MAPK8IP3: variants seen among roughly 807,000 people sequenced by gnomAD.
The protein encoded by MAPK8IP3 is C-Jun-amino-terminal kinase-interacting protein 3.
In MAPK8IP3, 49 loss-of-function variants were observed where a neutral mutation model predicts 157.8. That is an observed-to-expected ratio of 0.31 (90% CI 0.25 to 0.39). The LOEUF is 0.39. MAPK8IP3 is among the 10% of genes least tolerant of loss of function. The probability of loss-of-function intolerance (pLI) is 1.00; values close to 1 mark genes in which losing one functional copy is unlikely to be tolerated. For synonymous variants in MAPK8IP3, 897 were observed against 777.7 expected (o/e 1.15, Z -2.55); for missense variants, 1,478 against 1,889.4 (o/e 0.78, Z 4.04).
In MAPK8IP3 at chr16:1,721,343, G is replaced by C. The variant is rs2038508797; in HGVS notation, c.319-3214G>C. On this transcript the variant is annotated intron_variant, in intron 1 of 31. Coordinates refer to ENST00000610761, the MANE Select transcript of MAPK8IP3 (RefSeq NM_001318852.2). ...AAAAAAAAATCCTTTGCTCATGCCTGTAATCCCAGCACTTTGGAAGGCCAA... is the reference window on the plus strand; with the variant it reads ...AAAAAAAAATCCTTTGCTCATGCCTCTAATCCCAGCACTTTGGAAGGCCAA... Among the ~76,000 whole-genome samples the C allele has an allele frequency of 2.0e-5, 3 of 151,720 alleles. No homozygotes were observed. In the South Asian group the frequency reaches 6.2e-4, roughly 31 times the overall value.
At chr16:1,716,842 A>G (rs2142297601) in intron 1 of MAPK8IP3, among the ~76,000 whole-genome samples, 1 of 151,976 alleles carries the variant, frequency 6.6e-6, no homozygotes, top group Admixed American at 6.5e-5. Context: ...GCGGATCACG[A>G]GGTCAAGGAG....
intron 8 of MAPK8IP3, among the ~76,000 whole-genome samples, chr16:1,749,444 GC>G (rs2041166436): frequency 6.6e-6 from 1 of 151,720 alleles, no homozygotes; most frequent in Non-Finnish European, 1.5e-5. Context: ...TTGGGAGGGT[GC>G]CCACTTGCCC....
chr16:1,734,741 GAC>G (rs1226029753), intron 4 of MAPK8IP3, among the ~76,000 whole-genome samples: 7 of 152,370 alleles, frequency 4.6e-5, no homozygotes, highest in Non-Finnish European at 1.0e-4. Context: ...TCCCTTGGGG[GAC>G]ACATATTTGA....
chr16:1,737,398 ATC>A (rs1388839238), intron 4 of MAPK8IP3, among the ~76,000 whole-genome samples: 5 of 78,578 alleles, frequency 6.4e-5, no homozygotes, highest in Admixed American at 3.0e-4. Context: ...CCATGTGAGC[ATC>A]TGTGTGACCG....
chr16:1,762,670 T>C lies in MAPK8IP3; in HGVS notation c.1671-5T>C. On this transcript the variant is annotated splice_polypyrimidine_tract_variant and splice_region_variant and intron_variant, in intron 14 of 31. Transcript: ENST00000610761. ...GCAGGTTGCTCCCTGTGCCCTCCCC[T>C]GCAGAGCGTCCCGAGAGCACCCATC... 1 of 1,550,498 alleles carries C rather than the reference T, an allele frequency of 6.4e-7. No individual in the cohort carries two copies. Among genetic ancestry groups the C allele is most frequent in the Non-Finnish European group, 8.7e-7 (1 of 1,146,458 alleles).
chr16:1,723,903 A>G (rs2038699030), intron 1 of MAPK8IP3, among the ~76,000 whole-genome samples: 1 of 152,188 alleles, frequency 6.6e-6, no homozygotes, highest in South Asian at 2.1e-4. Flanking sequence ...AACTTACCAC[A>G]TAAGGTTAAG....
Position 1,766,768 on chromosome 16 carries a change from C to A in MAPK8IP3, c.2985C>A (p.His995Gln), listed in dbSNP as rs1163583945. 3 of 1,612,750 alleles carry A rather than the reference C, an allele frequency of 1.9e-6. No homozygotes were observed. The highest frequency in any genetic ancestry group is 2.5e-6 in the Non-Finnish European group (3 of 1,179,950). The change falls in exon 24 of 32, where the codon CAC becomes CAA. Residue 995 changes from histidine (H) to glutamine (Q), a missense_variant. Coordinates refer to ENST00000610761, the MANE Select transcript of MAPK8IP3 (RefSeq NM_001318852.2). ...TGGCCAACTGGAAGAAGTGCCTGCACTCCATCAAGCTGAAGGATTCTGTGC... is the reference window on the plus strand; with the variant it reads ...TGGCCAACTGGAAGAAGTGCCTGCAATCCATCAAGCTGAAGGATTCTGTGC... Reference protein sequence around the residue: ...SAVANWKKCLHSIKLKDSVLS... With the variant: ...SAVANWKKCLQSIKLKDSVLS...
intron 19 of MAPK8IP3, 43 bp from the exon 20 acceptor site, chr16:1,764,970 C>T (rs770244809): frequency 1.9e-6 from 3 of 1,573,112 alleles, no homozygotes; most frequent in Non-Finnish European, 2.6e-6. Context: ...CACCGGGTAG[C>T]CTCAAGCTCG....
chr16:1,767,434 C>A, intron 26 of MAPK8IP3, 130 bp from the exon 27 acceptor site: 1 of 1,499,056 alleles, frequency 6.7e-7, no homozygotes, highest in Non-Finnish European at 9.1e-7. Flanking sequence ...CAGGCTCGAA[C>A]AGGCGCAAAG....
At chr16:1,745,062 G>C in intron 5 of MAPK8IP3, 1 of 985,452 alleles carries the variant, frequency 1.0e-6, no homozygotes, top group Non-Finnish European at 1.2e-6. Flanking sequence ...GGAGGTCACT[G>C]CTACACGTTG....
At chr16:1,767,947 G>A (rs1292293604) in intron 28 of MAPK8IP3, 29 bp downstream of exon 28, 1 of 1,607,696 alleles carries the variant, frequency 6.2e-7, no homozygotes, top group African/African-American at 1.3e-5. Context: ...TGCAGGGGCA[G>A]TGGTGCTGCC....
intron 1 of MAPK8IP3, among the ~76,000 whole-genome samples, chr16:1,719,249 G>A (rs1033575492): frequency 1.1e-4 from 16 of 151,780 alleles, no homozygotes; most frequent in African/African-American, 3.9e-4. Context: ...GATTACAGCT[G>A]TGAGCCACTG....
intron 1 of MAPK8IP3, among the ~76,000 whole-genome samples, chr16:1,721,064 A>G: frequency 6.7e-6 from 1 of 150,106 alleles, no homozygotes. Context: ...AAGGCTGGGC[A>G]TGGGGGCTCA....
intron 2 of MAPK8IP3, among the ~76,000 whole-genome samples, chr16:1,725,104 C>T (rs1212582865): frequency 6.6e-6 from 1 of 151,916 alleles, no homozygotes; most frequent in African/African-American, 2.4e-5. Flanking sequence ...GGGGGCACAG[C>T]TGATCAGGGT....
At chr16:1,730,838 G>GT (rs2039266585) in intron 4 of MAPK8IP3, among the ~76,000 whole-genome samples, 1 of 102,664 alleles carries the variant, frequency 9.7e-6, no homozygotes, top group Non-Finnish European at 2.0e-5. Flanking sequence ...GTGAGACTCT[G>GT]TCAAAAAAAA....
chr16:1,746,782 A>G (rs1201662728), intron 5 of MAPK8IP3: 2 of 552,194 alleles, frequency 3.6e-6, no homozygotes, highest in African/African-American at 3.8e-5. Context: ...CCCCGTTCCA[A>G]GCCATTTCAG....
chr16:1,729,108 T>C, intron 2 of MAPK8IP3, 30 bp from the exon 3 acceptor site: 1 of 1,605,390 alleles, frequency 6.2e-7, no homozygotes, highest in South Asian at 1.1e-5. Flanking sequence ...AAGCGTCTTG[T>C]GCGGCTCAGA....
chr16:1,721,060 G>T (rs1430610795), intron 1 of MAPK8IP3, among the ~76,000 whole-genome samples: 1 of 151,586 alleles, frequency 6.6e-6, no homozygotes, highest in African/African-American at 2.4e-5. Flanking sequence ...AAACAAGGCT[G>T]GGCATGGGGG....
chr16:1,719,130 T>G (rs192514517), intron 1 of MAPK8IP3, among the ~76,000 whole-genome samples: 32 of 152,190 alleles, frequency 2.1e-4, no homozygotes, highest in African/African-American at 7.7e-4. Flanking sequence ...TGCAACACTG[T>G]GCCCAGCTAA....
Sources: allele counts gnomAD v4.1 joint callset (sites outside exome capture counted in the v4.1 genomes callset), GRCh38; gene constraint gnomAD v4.1.1; transcripts MANE v1.5; gene names NCBI Gene and HGNC (gene_info 2026-07-23, HGNC 2026-07-21).